The following UNC13A variants were observed in gnomAD, a reference collection of about 807,000 sequenced individuals.
UNC13A encodes the protein protein unc-13 homolog A.
UNC13A carries 61 observed loss-of-function variants against 219.7 expected under a neutral mutation model. The ratio of observed to expected loss-of-function variants is 0.28; its 90% CI spans 0.23 to 0.34. The LOEUF (loss-of-function observed/expected upper bound fraction) is 0.34. Among genes scored for constraint, UNC13A ranks in the 10% least tolerant of loss-of-function variants. UNC13A has a pLI of 1.00. For missense variants in UNC13A, 1,476 were observed against 2,270.3 expected (o/e 0.65, Z 7.11); for synonymous variants, 920 against 884.6 (o/e 1.04, Z -0.71).
At position 17,673,428 on chromosome 19, in the gene UNC13A, C is replaced by T. The variant is rs187656849; in HGVS notation, c.153-933G>A. Among the ~76,000 whole-genome samples, 1,294 of 151,044 alleles carry T rather than the reference C, an allele frequency of 8.6e-3. 14 individuals carry two copies. Among genetic ancestry groups the T allele is most frequent in the Non-Finnish European group, 0.015 (1,011 of 67,914 alleles). On this transcript the variant is annotated intron_variant, in intron 3 of 43. Coordinates refer to ENST00000519716, the MANE Select transcript of UNC13A (RefSeq NM_001080421.3). ...TGGCTGGGATTGGTGGCTCCTGGCT[C>T]ATGCCTATAATCCCAGCACTTTGGG... is the stretch of plus-strand genomic sequence containing the variant.
At chr19:17,654,552 C>CA (rs2079414197) in intron 11 of UNC13A, among the ~76,000 whole-genome samples, 1 of 152,172 alleles carries the variant, frequency 6.6e-6, no homozygotes, top group Non-Finnish European at 1.5e-5. Context: ...CTCTGAAGAG[C>CA]AACACAGCTG....
At chr19:17,608,319 A>G (rs1466341718) in intron 43 of UNC13A, among the ~76,000 whole-genome samples, 3 of 137,776 alleles carry the variant, frequency 2.2e-5, no homozygotes, top group Non-Finnish European at 1.5e-5. Flanking sequence ...TTTTATTTAT[A>G]CTATATAATA....
At chr19:17,618,885 T>A in intron 39 of UNC13A, 21 bp downstream of exon 39, 4 of 1,613,724 alleles carry the variant, frequency 2.5e-6, no homozygotes, top group Non-Finnish European at 3.4e-6. Flanking sequence ...CCTCACGCCA[T>A]AATCTATCCC....
chr19:17,676,522 G>T, intron 1 of UNC13A, among the ~76,000 whole-genome samples: 1 of 152,128 alleles, frequency 6.6e-6, no homozygotes, highest in East Asian at 1.9e-4. Flanking sequence ...GAAGAAGAGG[G>T]GAAGTTGAGG....
intron 8 of UNC13A, 32 bp from the exon 9 acceptor site, chr19:17,658,301 G>A (rs766656574): frequency 1.1e-4 from 173 of 1,580,786 alleles, no homozygotes; most frequent in Non-Finnish European, 1.4e-4. Flanking sequence ...GGAAGAGGGT[G>A]AGGAAGAGAG....
intron 9 of UNC13A, among the ~76,000 whole-genome samples, chr19:17,657,503 G>A (rs901511268): frequency 2.0e-5 from 3 of 152,154 alleles, no homozygotes; most frequent in Admixed American, 6.5e-5. Context: ...CTAAATACAG[G>A]CAGGGGGACA....
intron 19 of UNC13A, among the ~76,000 whole-genome samples, chr19:17,644,529 T>TC (rs2077004642): frequency 6.9e-6 from 1 of 145,656 alleles, no homozygotes; most frequent in South Asian, 2.2e-4. Context: ...TTTTGTTTTT[T>TC]TTTTTTTTTT....
At chr19:17,636,233 A>G in intron 25 of UNC13A, 76 bp from the exon 26 acceptor site, 1 of 1,471,656 alleles carries the variant, frequency 6.8e-7, no homozygotes, top group South Asian at 1.3e-5. Context: ...ACTGAAGAAC[A>G]AGAGGTTTTA....
chr19:17,631,280 G>A (rs907801614), intron 28 of UNC13A, among the ~76,000 whole-genome samples: 2 of 144,076 alleles, frequency 1.4e-5, no homozygotes, highest in African/African-American at 2.5e-5. Context: ...AAGTGCAGTG[G>A]TGCGATCACA....
At chr19:17,681,895 C>G (rs117818454) in intron 1 of UNC13A, among the ~76,000 whole-genome samples, 1 of 152,044 alleles carries the variant, frequency 6.6e-6, no homozygotes, top group South Asian at 2.1e-4. Flanking sequence ...ATGTCCTGCA[C>G]TCAGAACCGC....
At chr19:17,640,034 G>GC in intron 22 of UNC13A, 126 bp from the exon 23 acceptor site, 1 of 981,918 alleles carries the variant, frequency 1.0e-6, no homozygotes. Flanking sequence ...CCATTCTATG[G>GC]CATTTTTTTT....
intron 16 of UNC13A, 76 bp from the exon 17 acceptor site, chr19:17,647,568 C>G: frequency 7.0e-7 from 1 of 1,429,720 alleles, no homozygotes; most frequent in Non-Finnish European, 9.5e-7. Flanking sequence ...GAGCCCCGCC[C>G]CTACTCATCA....
At chr19:17,626,474 A>T (rs2076785049) in intron 34 of UNC13A, 159 bp downstream of exon 34, 2 of 723,552 alleles carry the variant, frequency 2.8e-6, no homozygotes, top group Non-Finnish European at 4.2e-6. Flanking sequence ...TACCCACCCA[A>T]CTTTCCATCC....
rs562582411 is a variant in UNC13A, at chr19:17,655,051, G to T, written c.1392+223C>A. Among the ~76,000 whole-genome samples the T allele has an allele frequency of 3.6e-4, 55 of 152,304 alleles. 1 individual carries two copies. The Middle Eastern group carries it at 0.014, about 38-fold the overall frequency. ...GTGGGTGGGGCATCGGTGACATTGG[G>T]TGAGGCCAGGCTGAATGAGGGTGGG... is the stretch of plus-strand genomic sequence containing the variant. On this transcript the variant is annotated intron_variant, in intron 11 of 43. Coordinates refer to ENST00000519716, the MANE Select transcript of UNC13A (RefSeq NM_001080421.3).
chr19:17,660,901 G>C (rs767019046), intron 8 of UNC13A, among the ~76,000 whole-genome samples: 1 of 151,916 alleles, frequency 6.6e-6, no homozygotes, highest in Non-Finnish European at 1.5e-5. Context: ...TGTCTGCCAA[G>C]CATTCATTTT....
At position 17,630,296 on chromosome 19, in the gene UNC13A, G is replaced by C. The variant is rs775221860; in HGVS notation, c.3526-8C>G. 10 of 1,560,848 alleles carry C rather than the reference G, an allele frequency of 6.4e-6. No individual in the cohort carries two copies. The highest frequency in any genetic ancestry group is 7.8e-6 in the Non-Finnish European group (9 of 1,152,344). On this transcript the variant is annotated splice_region_variant and splice_polypyrimidine_tract_variant and intron_variant, in intron 29 of 43. Coordinates refer to ENST00000519716, the MANE Select transcript of UNC13A (RefSeq NM_001080421.3). ...CTCTGAGGTCTGCTGGAACTGCAGG[G>C]GGAAGGAGGCCAAGAGGAAGGAGGA...
chr19:17,650,494 CAG>C (rs2079323809), intron 12 of UNC13A, among the ~76,000 whole-genome samples: 1 of 152,120 alleles, frequency 6.6e-6, no homozygotes, highest in Non-Finnish European at 1.5e-5. Context: ...GCCTGGGTGA[CAG>C]AGCGAGACTC....
intron 9 of UNC13A, among the ~76,000 whole-genome samples, 192 bp from the exon 10 acceptor site, chr19:17,656,590 G>A (rs1375928258): frequency 1.3e-5 from 2 of 152,128 alleles, no homozygotes; most frequent in Non-Finnish European, 2.9e-5. Context: ...GGTGGCTCAC[G>A]CCTGTAATCC....
intron 38 of UNC13A, 126 bp downstream of exon 38, chr19:17,620,567 G>A (rs964856455): frequency 1.3e-5 from 9 of 670,592 alleles, no homozygotes; most frequent in Non-Finnish European, 2.1e-5. Context: ...AAAGGAAGAA[G>A]AGACCAACAG....
Sources: gnomAD v4.1 joint callset for allele counts (sites outside exome capture counted in the v4.1 genomes callset) on GRCh38, gnomAD v4.1.1 for gene constraint, MANE v1.5 for transcripts, NCBI Gene and HGNC (gene_info 2026-07-23, HGNC 2026-07-21) for gene names.